Variants in FHOD3 observed in about 807,000 individuals in gnomAD.
FHOD3 encodes the protein FH1/FH2 domain-containing protein 3.
A neutral mutation model predicts 173.0 loss-of-function variants in FHOD3; 90 were observed. The ratio of observed to expected loss-of-function variants is 0.52; its 90% CI spans 0.44 to 0.62. The LOEUF is 0.62. Ranked by LOEUF, FHOD3 falls within the 20% of genes least tolerant of loss-of-function variation. The probability of loss-of-function intolerance (pLI) is 0.00; values close to 1 mark genes in which losing one functional copy is unlikely to be tolerated. For missense variants in FHOD3, 1,945 were observed against 2,034.7 expected (o/e 0.96, Z 0.85); for synonymous variants, 828 against 823.0 (o/e 1.01, Z -0.10).
intron 1 of FHOD3, among the ~76,000 whole-genome samples, chr18:36,339,652 G>A (rs1184987667): frequency 6.6e-6 from 1 of 152,136 alleles, no homozygotes; most frequent in Non-Finnish European, 1.5e-5. Flanking sequence ...GCCCAGCAGG[G>A]GCCTGGGTGC....
chr18:36,701,391 T>A (rs991517785), intron 17 of FHOD3, among the ~76,000 whole-genome samples: 6 of 152,194 alleles, frequency 3.9e-5, no homozygotes, highest in African/African-American at 1.4e-4. Flanking sequence ...GTTATCAATA[T>A]GAGAATAATT....
intron 1 of FHOD3, among the ~76,000 whole-genome samples, chr18:36,298,346 C>A (rs890355272): frequency 2.6e-5 from 4 of 152,278 alleles, no homozygotes; most frequent in Admixed American, 2.0e-4. Flanking sequence ...GGGCAGTCGG[C>A]CTCGGCACTC....
chr18:36,538,048 A>C (rs2057065486), intron 5 of FHOD3, among the ~76,000 whole-genome samples: 1 of 152,232 alleles, frequency 6.6e-6, no homozygotes, highest in South Asian at 2.1e-4. Flanking sequence ...ATAAGAGGAA[A>C]GTCTCCAATC....
At position 36,558,702 on chromosome 18, in the gene FHOD3, A is replaced by G. The variant is rs544335785; in HGVS notation, c.512-17749A>G. ...GGTTAAGATCAAGGCATATCTATGC[A>G]GTGAAATATTAGTGGTTTATTTTAA... On this transcript the variant is annotated intron_variant, in intron 5 of 28. Transcript: ENST00000590592. Among the ~76,000 whole-genome samples, 4 of 152,368 alleles carry G rather than the reference A, an allele frequency of 2.6e-5. No homozygotes were observed. In the South Asian group the frequency reaches 8.3e-4, roughly 32 times the overall value.
rs11665069 is a variant in FHOD3, at chr18:36,572,397, T to G, written c.512-4054T>G. On this transcript the variant is annotated intron_variant, in intron 5 of 28. Transcript: ENST00000590592. ...TTGAGGTTGGTGGGTTTTTGCTGCTTGTAGTGCAATATTAACCCACATGAA... is the reference window on the plus strand; with the variant it reads ...TTGAGGTTGGTGGGTTTTTGCTGCTGGTAGTGCAATATTAACCCACATGAA... Among the ~76,000 whole-genome samples the G allele has an allele frequency of 2.5e-4, 38 of 152,000 alleles. No homozygotes were observed. The South Asian group carries it at 5.6e-3, about 22-fold the overall frequency.
At chr18:36,759,088 CGTCCT>C (rs148427690) in intron 25 of FHOD3, 25 bp from the exon 26 acceptor site, 5 of 1,535,270 alleles carry the variant, frequency 3.3e-6, no homozygotes, top group South Asian at 2.4e-5. Flanking sequence ...CTGTCTTTTC[CGTCCT>C]GTCCTGTCCT....
At chr18:36,740,885 G>A in intron 21 of FHOD3, 47 bp downstream of exon 21, 1 of 1,558,376 alleles carries the variant, frequency 6.4e-7, no homozygotes. Flanking sequence ...CCACAGTGTT[G>A]AGAAAGGCAG....
At chr18:36,498,290 A>G (rs2054848649) in intron 3 of FHOD3, among the ~76,000 whole-genome samples, 3 of 152,168 alleles carry the variant, frequency 2.0e-5, no homozygotes, top group Admixed American at 2.0e-4. Flanking sequence ...TTTCTACCTG[A>G]AGAAACTAGA....
chr18:36,433,679 A>G (rs2147286115), intron 3 of FHOD3, among the ~76,000 whole-genome samples: 1 of 152,328 alleles, frequency 6.6e-6, no homozygotes, highest in South Asian at 2.1e-4. Context: ...CTGTCGCAGT[A>G]TCTAAGCCAG....
intron 2 of FHOD3, among the ~76,000 whole-genome samples, chr18:36,368,664 T>C (rs2047016731): frequency 6.6e-6 from 1 of 152,182 alleles, no homozygotes; most frequent in African/African-American, 2.4e-5. Flanking sequence ...GACTGGGTAA[T>C]TTATAAAGGA....
intron 17 of FHOD3, among the ~76,000 whole-genome samples, chr18:36,696,999 T>G (rs2039322185): frequency 6.6e-6 from 1 of 152,252 alleles, no homozygotes; most frequent in Admixed American, 6.5e-5. Flanking sequence ...TAGATGATTC[T>G]GAAAGCACCT....
chr18:36,639,772 G>A (rs2035172703), intron 10 of FHOD3, among the ~76,000 whole-genome samples: 2 of 151,814 alleles, frequency 1.3e-5, no homozygotes, highest in South Asian at 4.1e-4. Flanking sequence ...GCAGTGAGCC[G>A]AGATCGTGCC....
intron 5 of FHOD3, among the ~76,000 whole-genome samples, chr18:36,528,283 T>C (rs1183110786): frequency 6.6e-6 from 1 of 152,182 alleles, no homozygotes; most frequent in Non-Finnish European, 1.5e-5. Flanking sequence ...TGTCTGTGCA[T>C]GTGTGGATGA....
At chr18:36,488,632 A>G (rs541037896) in intron 3 of FHOD3, among the ~76,000 whole-genome samples, 1 of 152,348 alleles carries the variant, frequency 6.6e-6, no homozygotes, top group African/African-American at 2.4e-5. Context: ...TTTACTGAGT[A>G]TCTAGCTTGT....
At chr18:36,677,207 G>A (rs902511075) in intron 14 of FHOD3, among the ~76,000 whole-genome samples, 6 of 151,578 alleles carry the variant, frequency 4.0e-5, no homozygotes, top group Non-Finnish European at 8.8e-5. Flanking sequence ...TGCCCAGGCT[G>A]GAGTGCAGTG....
chr18:36,429,292 A>G (rs2050407064), intron 3 of FHOD3, among the ~76,000 whole-genome samples: 1 of 152,186 alleles, frequency 6.6e-6, no homozygotes. Flanking sequence ...GTATAATATG[A>G]TTGCTGCCAG....
At chr18:36,506,417 G>C (rs1277576420) in intron 4 of FHOD3, among the ~76,000 whole-genome samples, 2 of 152,210 alleles carry the variant, frequency 1.3e-5, no homozygotes, top group African/African-American at 2.4e-5. Context: ...CCTAACCTCT[G>C]AATATGTTTA....
chr18:36,537,493 G>A (rs1180008605), intron 5 of FHOD3, among the ~76,000 whole-genome samples: 1 of 152,108 alleles, frequency 6.6e-6, no homozygotes, highest in Non-Finnish European at 1.5e-5. Flanking sequence ...CCACCTGGTG[G>A]TAATGGTTAC....
intron 17 of FHOD3, among the ~76,000 whole-genome samples, chr18:36,708,204 T>C (rs2039988164): frequency 6.6e-6 from 1 of 152,182 alleles, no homozygotes; most frequent in African/African-American, 2.4e-5. Context: ...CCAGCGTTGA[T>C]AGGTTTGCAA....
Sources: gnomAD v4.1 joint callset for allele counts (sites outside exome capture counted in the v4.1 genomes callset) on GRCh38, gnomAD v4.1.1 for gene constraint, MANE v1.5 for transcripts, NCBI Gene and HGNC (gene_info 2026-07-23, HGNC 2026-07-21) for gene names.